The following C4orf17 variants were observed in gnomAD, a reference collection of about 807,000 sequenced individuals.
C4orf17 encodes the protein chromosome 4 open reading frame 17.
C4orf17 carries 25 observed loss-of-function variants against 32.0 expected under a neutral mutation model. That is an observed-to-expected ratio of 0.78 (90% CI 0.57 to 1.09). The LOEUF is 1.09. C4orf17 is among the 50% of genes least tolerant of loss of function. C4orf17 has a pLI of 0.00. For missense variants in C4orf17, 420 were observed against 420.0 expected, an observed-to-expected ratio of 1.00 and a Z score of 0.00; for synonymous variants, 149 against 145.8, an observed-to-expected ratio of 1.02 and a Z score of -0.16.
At position 99,529,800 on chromosome 4, in the gene C4orf17, A is replaced by G. The variant is rs41275703; in HGVS notation, c.403-15A>G. 38,160 of 1,596,796 alleles carry G rather than the reference A, an allele frequency of 0.024. 929 individuals are homozygous for G. The highest frequency in any genetic ancestry group is 0.11 in the Middle Eastern group (660 of 5,968). On this transcript the variant is annotated splice_polypyrimidine_tract_variant and intron_variant, in intron 4 of 8. Coordinates refer to ENST00000326581, the MANE Select transcript of C4orf17 (RefSeq NM_032149.3). ...GATGCAAATGTATATTGGTTATATT[A>G]TACTTTTGATTTAGGAAGAAATTAA... is the stretch of plus-strand genomic sequence containing the variant.
intron 2 of C4orf17, among the ~76,000 whole-genome samples, chr4:99,521,784 C>G (rs537143852): frequency 6.6e-6 from 1 of 152,292 alleles, no homozygotes; most frequent in East Asian, 1.9e-4. Flanking sequence ...CCGGCACACC[C>G]CCATTTCCTA....
rs1352383905 is a variant in C4orf17, at chr4:99,521,148, C to T, written c.128-1352C>T. 2.6e-5 allele frequency among the ~76,000 whole-genome samples: 4 copies of T among 151,980 alleles called. No individual in the cohort carries two copies. The South Asian group carries it at 6.2e-4, about 24-fold the overall frequency. On this transcript the variant is annotated intron_variant, in intron 2 of 8. Coordinates refer to ENST00000326581, the MANE Select transcript of C4orf17 (RefSeq NM_032149.3). ...CAGCACTTCGGGAGGCTGAGGTGGG[C>T]GGATTACAAGGTCAGGAGTTCGAGA...
rs1723464090 is a variant in C4orf17, at chr4:99,530,688, A to T, written c.546+730A>T. Among the ~76,000 whole-genome samples the T allele has an allele frequency of 2.0e-5, 3 of 152,132 alleles. No individual in the cohort carries two copies. In the South Asian group the frequency reaches 6.2e-4, roughly 32 times the overall value. On this transcript the variant is annotated intron_variant, in intron 5 of 8. Coordinates refer to ENST00000326581, the MANE Select transcript of C4orf17 (RefSeq NM_032149.3). Reference sequence around the variant, plus strand: ...ATACAAATAACAGAGCATGTTGTAGAGATGGTTATTGAATAAGCCTAACAA... The same window carrying T: ...ATACAAATAACAGAGCATGTTGTAGTGATGGTTATTGAATAAGCCTAACAA...
chr4:99,511,110 G>A lies in C4orf17; in HGVS notation c.-256G>A, dbSNP rs1332027137. ...AAGACAGCTGTATTCTTTTGGAAGC[G>A]TTCGAGATTGGTCTGTCTCTACCAA... On this transcript the variant is annotated 5_prime_UTR_variant, in exon 1 of 9. Transcript: ENST00000326581. The A allele has an allele frequency of 4.6e-5, 7 of 152,122 alleles. No individual in the cohort carries two copies. The highest frequency in any genetic ancestry group is 2.1e-4 in the South Asian group (1 of 4,822). The allele number at this position is 152,122 out of a possible 1,614,324, so 9.4% of individuals were successfully genotyped here. A position where few individuals can be genotyped will look rare whatever the true frequency, so the allele number is the denominator to read the frequency against.
intron 2 of C4orf17, among the ~76,000 whole-genome samples, chr4:99,518,149 T>C (rs1723217905): frequency 6.6e-6 from 1 of 152,096 alleles, no homozygotes; most frequent in Non-Finnish European, 1.5e-5. Flanking sequence ...ATCTCCTCCT[T>C]TGATGACTAC....
intron 2 of C4orf17, among the ~76,000 whole-genome samples, chr4:99,517,514 G>C (rs1723208271): frequency 1.3e-5 from 2 of 151,774 alleles, no homozygotes; most frequent in Non-Finnish European, 1.5e-5. Context: ...AGCTGCATTT[G>C]GCACAGCTAA....
chr4:99,541,993 C>T lies in C4orf17; in HGVS notation c.964C>T (p.Pro322Ser). The T allele has an allele frequency of 1.2e-5, 20 of 1,613,904 alleles. No individual in the cohort carries two copies. Among genetic ancestry groups the T allele is most frequent in the Non-Finnish European group, 1.6e-5 (19 of 1,179,874 alleles). The change falls in exon 9 of 9, where the codon CCT becomes TCT. Residue 322 changes from proline (P) to serine (S), a missense_variant. By Grantham distance (74) the Pro-to-Ser change is moderately conservative (BLOSUM62 -1). Coordinates refer to ENST00000326581, the MANE Select transcript of C4orf17 (RefSeq NM_032149.3). Reference protein sequence around the residue: ...VAEYFSKPNSPPRPNTQESGS... With the variant: ...VAEYFSKPNSSPRPNTQESGS... ...AGAATATTTCAGCAAACCAAATTCT[C>T]CTCCCAGGCCTAACACTCAGGAGAG...
intron 2 of C4orf17, among the ~76,000 whole-genome samples, chr4:99,520,317 G>A (rs977615505): frequency 1.3e-5 from 2 of 151,668 alleles, no homozygotes; most frequent in Non-Finnish European, 2.9e-5. Context: ...GGATGGTCTC[G>A]ATCTCCTGAC....
chr4:99,530,889 A>G (rs544910306), intron 5 of C4orf17, among the ~76,000 whole-genome samples: 1 of 152,126 alleles, frequency 6.6e-6, no homozygotes, highest in Admixed American at 6.6e-5. Flanking sequence ...TTTATATTAT[A>G]CAGAGTCTTC....
chr4:99,537,576 T>A (rs1723582393), intron 5 of C4orf17, 93 bp from the exon 6 acceptor site: 1 of 880,600 alleles, frequency 1.1e-6, no homozygotes, highest in African/African-American at 1.6e-5. Context: ...CAAAGTGATA[T>A]TTGGGAAGAT....
At chr4:99,516,187 G>A (rs1433892051) in intron 2 of C4orf17, among the ~76,000 whole-genome samples, 1 of 152,174 alleles carries the variant, frequency 6.6e-6, no homozygotes, top group Non-Finnish European at 1.5e-5. Flanking sequence ...TTCTAGATGT[G>A]GGAGATAGAC....
intron 2 of C4orf17, 77 bp downstream of exon 2, chr4:99,513,285 C>A: frequency 1.3e-6 from 2 of 1,539,596 alleles, no homozygotes; most frequent in Non-Finnish European, 8.9e-7. Flanking sequence ...CAGGTAAACA[C>A]AACGCTGCTA....
At position 99,513,044 on chromosome 4, in the gene C4orf17, G is replaced by T; in HGVS notation, c.-38G>T. The T allele has an allele frequency of 6.2e-7, 1 of 1,611,492 alleles. No homozygotes were observed. Among genetic ancestry groups the T allele is most frequent in the South Asian group, 1.1e-5 (1 of 90,918 alleles). ...CAAGTTAGACCCCAAAAACTTTTGT[G>T]ACAACAGTGAAGAGGGGAAAATAAA... On this transcript the variant is annotated 5_prime_UTR_variant, in exon 2 of 9. Coordinates refer to ENST00000326581, the MANE Select transcript of C4orf17 (RefSeq NM_032149.3).
At chr4:99,524,127 C>T (rs906866759) in intron 3 of C4orf17, among the ~76,000 whole-genome samples, 1 of 151,718 alleles carries the variant, frequency 6.6e-6, no homozygotes, top group Non-Finnish European at 1.5e-5. Flanking sequence ...CTACAGGCGC[C>T]CGCCACCACG....
chr4:99,522,039 A>G (rs1008379119), intron 2 of C4orf17, among the ~76,000 whole-genome samples: 1 of 152,178 alleles, frequency 6.6e-6, no homozygotes, highest in African/African-American at 2.4e-5. Context: ...TACCTCTGCC[A>G]GGACAAAAGA....
At chr4:99,520,231 A>G (rs1375135773) in intron 2 of C4orf17, among the ~76,000 whole-genome samples, 1 of 150,768 alleles carries the variant, frequency 6.6e-6, no homozygotes, top group Non-Finnish European at 1.5e-5. Context: ...CTGGAACTAC[A>G]GGCGCCTGCC....
intron 2 of C4orf17, among the ~76,000 whole-genome samples, chr4:99,521,869 T>C (rs554080652): frequency 3.3e-5 from 5 of 152,318 alleles, no homozygotes; most frequent in African/African-American, 1.2e-4. Flanking sequence ...TTGAACCAAA[T>C]CCTATATTTG....
chr4:99,514,917 C>T (rs796096467), intron 2 of C4orf17, among the ~76,000 whole-genome samples: 101 of 152,286 alleles, frequency 6.6e-4, no homozygotes, highest in African/African-American at 2.3e-3. Context: ...GAACACTACT[C>T]AGCCATAAAG....
intron 4 of C4orf17, among the ~76,000 whole-genome samples, chr4:99,525,626 C>G (rs1723374319): frequency 6.6e-6 from 1 of 152,026 alleles, no homozygotes; most frequent in Admixed American, 6.5e-5. Context: ...AACCCCGTCT[C>G]TACTAAAATA....
Sources: gnomAD v4.1 joint callset for allele counts (sites outside exome capture counted in the v4.1 genomes callset) on GRCh38, gnomAD v4.1.1 for gene constraint, MANE v1.5 for transcripts, NCBI Gene and HGNC (gene_info 2026-07-23, HGNC 2026-07-21) for gene names.